DGKB: variants seen among roughly 807,000 people sequenced by gnomAD.
DGKB encodes the protein 90 kDa diacylglycerol kinase.
DGKB carries 67 observed loss-of-function variants against 114.3 expected under a neutral mutation model. The observed-to-expected ratio is 0.59, with a 90% CI of 0.48 to 0.72. The LOEUF (loss-of-function observed/expected upper bound fraction) is 0.72. DGKB is among the 30% of genes least tolerant of loss of function. The probability of loss-of-function intolerance (pLI) is 0.00; values close to 1 mark genes in which losing one functional copy is unlikely to be tolerated. For missense variants in DGKB, 907 were observed against 975.2 expected (o/e 0.93, Z 0.93); for synonymous variants, 398 against 323.1 (o/e 1.23, Z -2.49).
rs572391268 is a variant in DGKB, at chr7:14,798,423, G to A, written c.71-40692C>T. 2.5e-4 allele frequency among the ~76,000 whole-genome samples: 37 copies of A among 150,910 alleles called. No individual in the cohort carries two copies. The South Asian group carries it at 7.2e-3, about 29-fold the overall frequency. ...CTCCACATTATTGCTGTAACCACAA[G>A]ATGAGTATAAAAGTGTCCACCACCT... is the stretch of plus-strand genomic sequence containing the variant. On this transcript the variant is annotated intron_variant, in intron 2 of 25. Transcript: ENST00000402815.
intron 2 of DGKB, among the ~76,000 whole-genome samples, chr7:14,768,574 T>C (rs1322318475): frequency 2.7e-5 from 4 of 146,970 alleles, no homozygotes; most frequent in Non-Finnish European, 4.4e-5. Flanking sequence ...GTACCTCCAG[T>C]GATATTTGCA....
chr7:14,887,979 C>T (rs138476149), intron 1 of DGKB, among the ~76,000 whole-genome samples: 8 of 151,680 alleles, frequency 5.3e-5, no homozygotes, highest in African/African-American at 1.9e-4. Context: ...ATTGTTTTCC[C>T]AATACCTGTT....
chr7:14,475,225 A>G (rs1418884584), intron 21 of DGKB, among the ~76,000 whole-genome samples: 1 of 152,130 alleles, frequency 6.6e-6, no homozygotes, highest in Non-Finnish European at 1.5e-5. Flanking sequence ...CATTATTAGG[A>G]GTACTTAAAA....
At chr7:14,478,014 A>G (rs1429375174) in intron 21 of DGKB, 147 bp downstream of exon 21, 3 of 431,132 alleles carry the variant, frequency 7.0e-6, no homozygotes, top group Non-Finnish European at 1.2e-5. Flanking sequence ...TTATCCTACC[A>G]TCTTAATATT....
intron 2 of DGKB, 88 bp downstream of exon 2, chr7:14,841,106 C>G: frequency 8.4e-7 from 1 of 1,183,912 alleles, no homozygotes; most frequent in Non-Finnish European, 1.2e-6. Flanking sequence ...CCATGAAGAA[C>G]AGGATCTATG....
At chr7:14,609,756 A>C (rs1469104168) in intron 16 of DGKB, among the ~76,000 whole-genome samples, 1 of 149,266 alleles carries the variant, frequency 6.7e-6, no homozygotes, top group Non-Finnish European at 1.5e-5. Flanking sequence ...AGCAGGAAAC[A>C]AACATATGAA....
intron 5 of DGKB, among the ~76,000 whole-genome samples, chr7:14,729,191 C>T (rs549871198): frequency 2.4e-4 from 34 of 140,962 alleles, no homozygotes; most frequent in Admixed American, 3.7e-4. Context: ...GGCGCCATCT[C>T]GGCTCACTGC....
At chr7:14,655,989 A>C (rs899413106) in intron 13 of DGKB, among the ~76,000 whole-genome samples, 1 of 151,666 alleles carries the variant, frequency 6.6e-6, no homozygotes, top group Admixed American at 6.6e-5. Flanking sequence ...AGCTAACAAT[A>C]ATTTATTGTG....
At chr7:14,327,807 C>G (rs753798204) in intron 23 of DGKB, among the ~76,000 whole-genome samples, 1 of 151,968 alleles carries the variant, frequency 6.6e-6, no homozygotes, top group Non-Finnish European at 1.5e-5. Flanking sequence ...GTATTTATCA[C>G]CAAGTATAAA....
intron 23 of DGKB, among the ~76,000 whole-genome samples, chr7:14,311,957 A>G (rs764101617): frequency 2.0e-5 from 3 of 152,176 alleles, no homozygotes; most frequent in Non-Finnish European, 4.4e-5. Flanking sequence ...ACAGTGGATA[A>G]CTGTAAACTT....
chr7:14,585,565 CA>C, intron 17 of DGKB, among the ~76,000 whole-genome samples: 1 of 152,318 alleles, frequency 6.6e-6, no homozygotes, highest in African/African-American at 2.4e-5. Context: ...AAATCCATGT[CA>C]ATGGGCATTT....
intron 21 of DGKB, among the ~76,000 whole-genome samples, chr7:14,438,232 C>A (rs1156250163): frequency 6.6e-6 from 1 of 152,068 alleles, no homozygotes; most frequent in Non-Finnish European, 1.5e-5. Context: ...GGGGCTCAAG[C>A]TCTCTGCCTC....
chr7:14,886,459 A>T (rs190949249), intron 1 of DGKB, among the ~76,000 whole-genome samples: 1 of 151,550 alleles, frequency 6.6e-6, no homozygotes, highest in African/African-American at 2.4e-5. Flanking sequence ...CAAACCAAAG[A>T]CTCCTGCTCG....
At chr7:14,241,957 T>TACAC (rs71033980) in intron 23 of DGKB, among the ~76,000 whole-genome samples, 19 of 148,262 alleles carry the variant, frequency 1.3e-4, no homozygotes, top group East Asian at 1.2e-3. Context: ...CACACACATA[T>TACAC]ACACACACAC....
At chr7:14,954,967 G>C (rs1222049199) in intron 1 of DGKB, among the ~76,000 whole-genome samples, 1 of 151,998 alleles carries the variant, frequency 6.6e-6, no homozygotes, top group Admixed American at 6.6e-5. Flanking sequence ...AACTGAGCCT[G>C]AACAAACTTC....
intron 23 of DGKB, among the ~76,000 whole-genome samples, chr7:14,323,046 T>G (rs1404139228): frequency 6.6e-6 from 1 of 152,160 alleles, no homozygotes; most frequent in African/African-American, 2.4e-5. Context: ...TTTTTATTAC[T>G]CAATTTATAC....
intron 17 of DGKB, among the ~76,000 whole-genome samples, chr7:14,591,284 A>G (rs1379206199): frequency 6.6e-6 from 1 of 152,188 alleles, no homozygotes; most frequent in Non-Finnish European, 1.5e-5. Context: ...TCAGTTCCAC[A>G]GTGTTCCATG....
intron 1 of DGKB, among the ~76,000 whole-genome samples, chr7:14,908,439 A>G (rs1256067300): frequency 2.6e-5 from 4 of 152,174 alleles, no homozygotes; most frequent in African/African-American, 9.7e-5. Flanking sequence ...GTATCAAATA[A>G]TCATTTTAAA....
chr7:14,482,408 A>T (rs977615758), intron 20 of DGKB, among the ~76,000 whole-genome samples: 1 of 152,048 alleles, frequency 6.6e-6, no homozygotes, highest in African/African-American at 2.4e-5. Context: ...ATGCATTCAT[A>T]TATGATAAAT....
Sources: gnomAD v4.1 joint callset for allele counts (sites outside exome capture counted in the v4.1 genomes callset) on GRCh38, gnomAD v4.1.1 for gene constraint, MANE v1.5 for transcripts, NCBI Gene and HGNC (gene_info 2026-07-23, HGNC 2026-07-21) for gene names.